PLEKHG1: variants seen among roughly 807,000 people sequenced by gnomAD.
The protein encoded by PLEKHG1 is pleckstrin homology and RhoGEF domain containing G1.
A neutral mutation model predicts 100.8 loss-of-function variants in PLEKHG1; 44 were observed. That is an observed-to-expected ratio of 0.44 (90% confidence interval 0.34 to 0.56). PLEKHG1 has a LOEUF of 0.56. Ranked by LOEUF, PLEKHG1 falls within the 20% of genes least tolerant of loss-of-function variation. The pLI is 0.01. For synonymous variants in PLEKHG1, 640 were observed against 662.5 expected, an observed-to-expected ratio of 0.97 and a Z score of 0.52; for missense variants, 1,545 against 1,720.9, an observed-to-expected ratio of 0.90 and a Z score of 1.81.
exon 3 of PLEKHG1, chr6:150,768,681 G>A (rs1328886332): frequency 6.2e-7 from 1 of 1,612,998 alleles, no homozygotes; most frequent in African/African-American, 1.3e-5. Context: ...CTTCCCCTGG[G>A]GACCGAAGAA....
rs1373044249 is a variant in PLEKHG1 at position 150,650,073 on chromosome 6, AG to A, written c.-157-654del. ...AACTTTGTCTCAAAAAAAAAAAAAA[AG>A]AAAGAAAAAAAAAACCAAAACAGTG... On this transcript the variant is annotated intron_variant, in intron 2 of 3. Coordinates refer to the PLEKHG1 transcript ENST00000367326. Among the ~76,000 whole-genome samples the A allele has an allele frequency of 3.0e-3, 426 of 140,206 alleles. 2 individuals carry two copies. The highest frequency in any genetic ancestry group is 4.1e-3 in the Non-Finnish European group (261 of 63,508). The allele number at this position is 140,206 out of a possible 152,430, so 92.0% of individuals were successfully genotyped here. A position where few individuals can be genotyped will look rare whatever the true frequency, so the allele number is the denominator to read the frequency against.
chr6:150,834,736 C>T (rs1777135862), intron 15 of PLEKHG1, among the ~76,000 whole-genome samples: 1 of 152,118 alleles, frequency 6.6e-6, no homozygotes, highest in African/African-American at 2.4e-5. Flanking sequence ...GCGTCTGGGT[C>T]CTTTCTTGAC....
intron 7 of PLEKHG1, among the ~76,000 whole-genome samples, chr6:150,807,485 C>T (rs77347767): frequency 0.04 from 6,021 of 152,258 alleles, 192 homozygotes; most frequent in African/African-American, 0.078. Context: ...CTTAATTAAA[C>T]GGTGCTTGTG....
chr6:150,709,625 G>C (rs749277851), intron 3 of PLEKHG1, among the ~76,000 whole-genome samples: 53 of 152,312 alleles, frequency 3.5e-4, no homozygotes, highest in Non-Finnish European at 6.6e-4. Context: ...GAATCACAGA[G>C]AGGTTAGTGC....
At chr6:150,718,778 T>C (rs983711533), upstream of PLEKHG1, among the ~76,000 whole-genome samples, 4 of 152,178 alleles carry the variant, frequency 2.6e-5, no homozygotes, top group Admixed American at 6.5e-5. Flanking sequence ...TTTCTTCCCT[T>C]TTCTTTTCCT....
intron 2 of PLEKHG1, among the ~76,000 whole-genome samples, chr6:150,751,095 C>T (rs929822495): frequency 1.3e-5 from 2 of 152,076 alleles, no homozygotes; most frequent in Non-Finnish European, 2.9e-5. Context: ...ATTTCTAGTA[C>T]GTTCTAAAGT....
In PLEKHG1 at chr6:150,600,189, GGGGCGCCGAGCGGTGGGGACAGA is replaced by G. The variant is rs1193783043; in HGVS notation, c.-204+181_-204+203del. Among the ~76,000 whole-genome samples, 1 of 151,422 alleles carries G rather than the reference GGGGCGCCGAGCGGTGGGGACAGA, an allele frequency of 6.6e-6. No homozygotes were observed. Among genetic ancestry groups the G allele is most frequent in the African/African-American group, 2.4e-5 (1 of 41,292 alleles). ...CCGCAGTGGGGACGGAGGGCCTTGGGGGGCGCCGAGCGGTGGGGACAGAGGGCGCCGGGGGCACCGCGCGGTGG... is the reference window on the plus strand; with the variant it reads ...CCGCAGTGGGGACGGAGGGCCTTGGGGGGCGCCGGGGGCACCGCGCGGTGG... On this transcript the variant is annotated intron_variant, in intron 1 of 3. Coordinates refer to the PLEKHG1 transcript ENST00000367326. This position sits in a 1 kb window ranked among gnomAD's most constrained non-coding sequence, Gnocchi z 6.2.
chr6:150,652,700 A>G (rs1778800676), intron 3 of PLEKHG1, among the ~76,000 whole-genome samples: 1 of 151,812 alleles, frequency 6.6e-6, no homozygotes, highest in African/African-American at 2.4e-5. Flanking sequence ...AGCCTGGGCA[A>G]CAAGAGCAAA....
chr6:150,618,805 A>G (rs756649216), intron 1 of PLEKHG1, among the ~76,000 whole-genome samples: 1 of 152,246 alleles, frequency 6.6e-6, no homozygotes, highest in Admixed American at 6.5e-5. Flanking sequence ...AAAGGGAAAA[A>G]CAGGCTGGAT....
chr6:150,658,618 C>G (rs758855592), intron 3 of PLEKHG1, among the ~76,000 whole-genome samples: 2 of 152,256 alleles, frequency 1.3e-5, no homozygotes, highest in Non-Finnish European at 2.9e-5. Flanking sequence ...TGAGGACTTC[C>G]AGTCACCTCT....
chr6:150,619,102 A>G (rs1777188963), intron 1 of PLEKHG1, among the ~76,000 whole-genome samples: 1 of 152,148 alleles, frequency 6.6e-6, no homozygotes, highest in Non-Finnish European at 1.5e-5. Flanking sequence ...AAAAGAAAAA[A>G]CAGTTCAGAC....
At chr6:150,767,012 C>T (rs1385481659) in intron 2 of PLEKHG1, among the ~76,000 whole-genome samples, 2 of 152,068 alleles carry the variant, frequency 1.3e-5, no homozygotes, top group Non-Finnish European at 2.9e-5. Flanking sequence ...AATATGCCCT[C>T]CAAAATGTCC....
chr6:150,832,681 C>CCTT (rs373045374), intron 15 of PLEKHG1, among the ~76,000 whole-genome samples: 4 of 125,450 alleles, frequency 3.2e-5, no homozygotes, highest in Non-Finnish European at 6.4e-5. Flanking sequence ...TTTTTGCATA[C>CCTT]TTTTTTTTTT....
At chr6:150,779,348 T>TTTTTTTTTTGTTTG (rs1785174728) in intron 3 of PLEKHG1, among the ~76,000 whole-genome samples, 1 of 73,136 alleles carries the variant, frequency 1.4e-5, no homozygotes, top group South Asian at 4.1e-4. Flanking sequence ...CAAGAAGTTT[T>TTTTTTTTTTGTTTG]TTTTTTTTTT....
At chr6:150,714,137 G>T (rs1781337212) in intron 3 of PLEKHG1, among the ~76,000 whole-genome samples, 1 of 152,208 alleles carries the variant, frequency 6.6e-6, no homozygotes, top group Non-Finnish European at 1.5e-5. Flanking sequence ...GAAGCCTACT[G>T]CATTCTTCCA....
intron 15 of PLEKHG1, among the ~76,000 whole-genome samples, chr6:150,833,992 A>C (rs1009084850): frequency 6.6e-6 from 1 of 152,206 alleles, no homozygotes; most frequent in Admixed American, 6.5e-5. Flanking sequence ...CAAGTTACAT[A>C]ACAAGAATCT....
At position 150,699,390 on chromosome 6, in the gene PLEKHG1, G is replaced by A. The variant is rs77133717; in HGVS notation, c.-98-34194G>A. 1.0e-3 allele frequency among the ~76,000 whole-genome samples: 153 copies of A among 152,284 alleles called. 1 individual carries two copies. The East Asian group carries it at 0.026, about 26-fold the overall frequency. ...CATTAAGTCCTGTGAGGTTTCCCTCGTGCAACAGATATTGTCTTGTAGACG... is the reference window on the plus strand; with the variant it reads ...CATTAAGTCCTGTGAGGTTTCCCTCATGCAACAGATATTGTCTTGTAGACG... On this transcript the variant is annotated intron_variant, in intron 3 of 3. Coordinates refer to the PLEKHG1 transcript ENST00000367326.
exon 16 of PLEKHG1, chr6:150,843,127 T>C (rs957765030): frequency 4.6e-5 from 7 of 152,262 alleles, no homozygotes; most frequent in African/African-American, 1.7e-4. Context: ...ATTGGTATTA[T>C]CCAGTTCTAT....
At chr6:150,822,243 C>T (rs890397233) in intron 13 of PLEKHG1, among the ~76,000 whole-genome samples, 1 of 148,162 alleles carries the variant, frequency 6.7e-6, no homozygotes, top group African/African-American at 2.5e-5. Flanking sequence ...CATCCATATT[C>T]ATAATCAGAA....
Sources: gnomAD v4.1 joint callset for allele counts (sites outside exome capture counted in the v4.1 genomes callset) on GRCh38, gnomAD v4.1.1 for gene constraint, Gnocchi (gnomAD v3.1) non-coding constraint, MANE v1.5 for transcripts, NCBI Gene and HGNC (gene_info 2026-07-23, HGNC 2026-07-21) for gene names.